Variants in CSMD3 observed in about 807,000 individuals in gnomAD.
The protein encoded by CSMD3 is CUB and sushi domain-containing protein 3.
Under a neutral mutation model 435.2 loss-of-function variants are expected in CSMD3, and 177 were observed. The ratio of observed to expected loss-of-function variants is 0.41; its 90% CI spans 0.36 to 0.46. The LOEUF (loss-of-function observed/expected upper bound fraction) is 0.46. Among genes scored for constraint, CSMD3 ranks in the 20% least tolerant of loss-of-function variants. The pLI, the probability that CSMD3 is intolerant of heterozygous loss-of-function variation, is 0.34. For missense variants in CSMD3, 4,265 were observed against 4,504.6 expected, an observed-to-expected ratio of 0.95 and a Z score of 1.52; for synonymous variants, 1,656 against 1,520.5, an observed-to-expected ratio of 1.09 and a Z score of -2.07.
At chr8:113,011,123 C>A (rs185272923) in intron 6 of CSMD3, among the ~76,000 whole-genome samples, 217 of 151,374 alleles carry the variant, frequency 1.4e-3, no homozygotes, top group Non-Finnish European at 2.5e-3. Context: ...ATTGTTAACT[C>A]CTAATCAGAA....
chr8:113,244,908 C>T (rs1463731897), intron 3 of CSMD3, among the ~76,000 whole-genome samples: 1 of 152,034 alleles, frequency 6.6e-6, no homozygotes, highest in Non-Finnish European at 1.5e-5. Context: ...AATTCACCAA[C>T]TAATTTTGTT....
At chr8:113,065,487 C>A (rs2088813118) in intron 5 of CSMD3, among the ~76,000 whole-genome samples, 1 of 151,960 alleles carries the variant, frequency 6.6e-6, no homozygotes, top group Non-Finnish European at 1.5e-5. Flanking sequence ...CCTGGGTTCA[C>A]GCCATTCTCC....
intron 10 of CSMD3, among the ~76,000 whole-genome samples, chr8:112,904,866 A>G (rs560694862): frequency 4.0e-4 from 60 of 151,554 alleles, no homozygotes; most frequent in African/African-American, 1.4e-3. Context: ...CAAAGGAAAA[A>G]GCCACCTGCC....
chr8:112,649,723 C>T (rs1347777270), intron 19 of CSMD3, among the ~76,000 whole-genome samples: 3 of 152,092 alleles, frequency 2.0e-5, no homozygotes, highest in Non-Finnish European at 4.4e-5. Context: ...AGTAAACTAC[C>T]ATAGTGCTGT....
chr8:113,157,520 C>G (rs1286665474), intron 4 of CSMD3, among the ~76,000 whole-genome samples: 1 of 151,920 alleles, frequency 6.6e-6, no homozygotes, highest in Admixed American at 6.6e-5. Flanking sequence ...TCATGTGATA[C>G]AGCTTGCCAA....
At chr8:113,145,013 C>T (rs2091639742) in intron 4 of CSMD3, among the ~76,000 whole-genome samples, 1 of 151,250 alleles carries the variant, frequency 6.6e-6, no homozygotes, top group South Asian at 2.1e-4. Context: ...CCCTGAGGGG[C>T]AAGGGTGAGT....
At position 113,173,894 on chromosome 8, in the gene CSMD3, T is replaced by C; in HGVS notation, c.537A>G (p.Gly179=). 1.2e-6 allele frequency: 2 copies of C among 1,613,562 alleles called. No homozygotes were observed. Among genetic ancestry groups the C allele is most frequent in the Non-Finnish European group, 1.7e-6 (2 of 1,179,592 alleles). ...CACCTTTGGGTGGAACACCAGGATT[T>C]CCACAAGAGCTACTCTGCAATTCTA... ...YYEELQSSSC[G]NPGVPPKGVL... Residue 179 remains glycine, a synonymous_variant, in exon 4 of 71, where the codon GGA becomes GGG. Transcript: ENST00000297405.
chr8:112,391,114 A>C (rs927296881), intron 35 of CSMD3, among the ~76,000 whole-genome samples: 4 of 152,208 alleles, frequency 2.6e-5, no homozygotes, highest in Non-Finnish European at 5.9e-5. Context: ...TTTTAGATAA[A>C]AATTGTCTCG....
At chr8:112,694,838 T>C (rs2076217401) in intron 13 of CSMD3, among the ~76,000 whole-genome samples, 1 of 152,116 alleles carries the variant, frequency 6.6e-6, no homozygotes, top group African/African-American at 2.4e-5. Flanking sequence ...AAAATAAGGA[T>C]GGCCAAATAG....
At chr8:113,119,779 TG>T (rs2090934629) in intron 4 of CSMD3, among the ~76,000 whole-genome samples, 1 of 152,116 alleles carries the variant, frequency 6.6e-6, no homozygotes, top group African/African-American at 2.4e-5. Flanking sequence ...CATTTCTTAC[TG>T]GGTAAATAAT....
intron 1 of CSMD3, among the ~76,000 whole-genome samples, chr8:113,378,292 C>A (rs1235577447): frequency 6.6e-6 from 1 of 152,132 alleles, no homozygotes; most frequent in Admixed American, 6.5e-5. Flanking sequence ...AAATACGTAT[C>A]CAATGCCTCC....
intron 24 of CSMD3, among the ~76,000 whole-genome samples, chr8:112,560,463 G>C (rs1446358490): frequency 6.6e-6 from 1 of 151,618 alleles, no homozygotes; most frequent in Non-Finnish European, 1.5e-5. Flanking sequence ...TGGATTCTTA[G>C]AAACAATTAT....
intron 3 of CSMD3, among the ~76,000 whole-genome samples, chr8:113,231,677 T>C (rs1733665077): frequency 6.6e-6 from 1 of 151,518 alleles, no homozygotes; most frequent in Non-Finnish European, 1.5e-5. Flanking sequence ...AATACTTTTC[T>C]TCATATATTG....
At chr8:113,176,787 T>C (rs959136479) in intron 3 of CSMD3, among the ~76,000 whole-genome samples, 1 of 151,700 alleles carries the variant, frequency 6.6e-6, no homozygotes, top group Non-Finnish European at 1.5e-5. Flanking sequence ...AAAGAGCTAA[T>C]GCATGCTGGG....
intron 35 of CSMD3, among the ~76,000 whole-genome samples, chr8:112,398,711 C>T (rs28700218): frequency 0.026 from 3,912 of 152,186 alleles, 79 homozygotes; most frequent in Non-Finnish European, 0.038. Flanking sequence ...ACTCCAAGGC[C>T]CTTGCACTAT....
In CSMD3 at chr8:112,260,923, A is replaced by G. The variant is rs138608532; in HGVS notation, c.9862+2716T>C. The stretch of plus-strand genomic sequence containing the variant: ...TCTCCACTACTCAATATATCTATGG[A>G]ATAAAACTACACTTGTACCCCTTAA... On this transcript the variant is annotated intron_variant, in intron 61 of 70. Coordinates refer to ENST00000297405, the MANE Select transcript of CSMD3 (RefSeq NM_198123.2). 4.6e-5 allele frequency among the ~76,000 whole-genome samples: 7 copies of G among 152,264 alleles called. No homozygotes were observed. In the East Asian group the frequency reaches 1.2e-3, roughly 25 times the overall value.
intron 10 of CSMD3, among the ~76,000 whole-genome samples, chr8:112,871,021 A>G (rs1310040339): frequency 6.6e-6 from 1 of 152,180 alleles, no homozygotes; most frequent in African/African-American, 2.4e-5. Flanking sequence ...GAAATGAAGA[A>G]CAAACTCATT....
At chr8:112,650,456 A>G in intron 18 of CSMD3, 107 bp from the exon 19 acceptor site, 1 of 925,680 alleles carries the variant, frequency 1.1e-6, no homozygotes. Context: ...TTTTACAAAT[A>G]AAGGTACTCG....
At chr8:112,598,534 G>A (rs906553654) in intron 22 of CSMD3, among the ~76,000 whole-genome samples, 3 of 150,054 alleles carry the variant, frequency 2.0e-5, no homozygotes, top group Admixed American at 6.7e-5. Flanking sequence ...AGTTCATATG[G>A]AACCAAAAAA....
Sources: allele counts gnomAD v4.1 joint callset (sites outside exome capture counted in the v4.1 genomes callset), GRCh38; gene constraint gnomAD v4.1.1; transcripts MANE v1.5; gene names NCBI Gene and HGNC (gene_info 2026-07-23, HGNC 2026-07-21).